Variants in TG observed in about 807,000 individuals in gnomAD.
TG encodes the protein thyroglobulin, also known as thyroid hormones.
In TG, 270 loss-of-function variants were observed where a neutral mutation model predicts 324.7. The ratio of observed to expected loss-of-function variants is 0.83; its 90% CI spans 0.75 to 0.92. TG has a LOEUF of 0.92. TG is among the 40% of genes least tolerant of loss of function. The pLI, the probability that TG is intolerant of heterozygous loss-of-function variation, is 0.00. For missense variants in TG, 3,591 were observed against 3,456.4 expected, an observed-to-expected ratio of 1.04 and a Z score of -0.98; for synonymous variants, 1,401 against 1,327.0, an observed-to-expected ratio of 1.06 and a Z score of -1.21.
At chr8:132,974,292 C>A (rs1330894544) in intron 34 of TG, among the ~76,000 whole-genome samples, 1 of 152,194 alleles carries the variant, frequency 6.6e-6, no homozygotes, top group Non-Finnish European at 1.5e-5. Context: ...CCGCACCCAG[C>A]CACATTCTTT....
rs377624891 is a variant in TG, at chr8:133,015,556, T to C, written c.6562+1792T>C. ...ACTGGGCAGCCTCTGAAGGGAAGAC[T>C]GAATACCACTGCCATGGGAAAGCAG... On this transcript the variant is annotated intron_variant, in intron 37 of 47. Transcript: ENST00000220616. 2.6e-5 allele frequency among the ~76,000 whole-genome samples: 4 copies of C among 152,366 alleles called. No individual in the cohort carries two copies. In the East Asian group the frequency reaches 7.7e-4, roughly 29 times the overall value.
Position 133,132,786 on chromosome 8 carries a change from G to C in TG, c.7998-684G>C, listed in dbSNP as rs1005264421. The stretch of plus-strand genomic sequence containing the variant: ...CAGAAAAACACATTTCTTGTAATTA[G>C]GGTTTTAGAAAATATTTCACTGAGG... On this transcript the variant is annotated intron_variant, in intron 46 of 47. Coordinates refer to ENST00000220616, the MANE Select transcript of TG (RefSeq NM_003235.5). Among the ~76,000 whole-genome samples the C allele has an allele frequency of 1.3e-5, 2 of 152,210 alleles. 1 individual carries two copies. The highest frequency in any genetic ancestry group is 4.1e-4 in the South Asian group (2 of 4,834).
intron 41 of TG, among the ~76,000 whole-genome samples, chr8:133,077,735 A>ATGTGTGTGTGTGTG (rs34749093): frequency 1.4e-5 from 2 of 148,062 alleles, no homozygotes; most frequent in South Asian, 4.3e-4. Context: ...TCTGGTGTGT[A>ATGTGTGTGTGTGTG]TGTGTGTGTG....
At chr8:133,132,375 G>A (rs1032015831) in intron 46 of TG, among the ~76,000 whole-genome samples, 1 of 152,236 alleles carries the variant, frequency 6.6e-6, no homozygotes, top group Non-Finnish European at 1.5e-5. Flanking sequence ...ACCACTTGGA[G>A]GAGAGCCACT....
intron 41 of TG, among the ~76,000 whole-genome samples, chr8:133,062,037 C>T (rs1047707994): frequency 6.6e-6 from 1 of 152,188 alleles, no homozygotes; most frequent in South Asian, 2.1e-4. Context: ...TGACCAGGCT[C>T]GCAAAAGCTA....
chr8:133,128,412 G>A (rs1467084344), intron 45 of TG, among the ~76,000 whole-genome samples: 1 of 150,984 alleles, frequency 6.6e-6, no homozygotes, highest in Admixed American at 6.6e-5. Flanking sequence ...TGGCTGGTCA[G>A]TTCTTTCTAC....
Position 132,901,350 on chromosome 8 carries a change from C to G in TG, c.3434-3C>G. ...CAGCCCATCTGGCTTGTCTCTGTGT[C>G]AGGCCCAAGCCTCTGCAATGTGCTC... On this transcript the variant is annotated splice_region_variant and splice_polypyrimidine_tract_variant and intron_variant, in intron 15 of 47. Transcript: ENST00000220616. 6.2e-7 allele frequency: 1 copy of G among 1,614,110 alleles called. No individual in the cohort carries two copies. Among genetic ancestry groups the G allele is most frequent in the Non-Finnish European group, 8.5e-7 (1 of 1,180,046 alleles).
At chr8:133,088,056 A>T (rs573704390) in intron 41 of TG, among the ~76,000 whole-genome samples, 1 of 152,160 alleles carries the variant, frequency 6.6e-6, no homozygotes, top group Admixed American at 6.5e-5. Flanking sequence ...ACTTCCTAGG[A>T]TGGTAGTGGG....
chr8:133,091,278 C>T (rs1847473371), intron 41 of TG, among the ~76,000 whole-genome samples: 1 of 152,228 alleles, frequency 6.6e-6, no homozygotes, highest in Non-Finnish European at 1.5e-5. Flanking sequence ...GCTTACTGGG[C>T]TTCCCATCCT....
intron 32 of TG, 57 bp downstream of exon 32, chr8:132,969,626 A>G: frequency 7.9e-7 from 1 of 1,267,586 alleles, no homozygotes; most frequent in Non-Finnish European, 1.2e-6. Flanking sequence ...TCCTCAAAGA[A>G]GATGACACAA....
intron 40 of TG, among the ~76,000 whole-genome samples, chr8:133,028,990 T>C (rs1836367086): frequency 6.6e-6 from 1 of 151,960 alleles, no homozygotes. Context: ...TAGGTGGTAA[T>C]GAAGGCCATG....
At chr8:133,037,552 C>G (rs3739268) in intron 41 of TG, 41,745 of 151,980 alleles carry the variant, frequency 0.27, 5,986 homozygotes, top group Non-Finnish European at 0.31. Context: ...AAGCCATGAG[C>G]TGATTTCTCT....
intron 35 of TG, among the ~76,000 whole-genome samples, chr8:133,007,295 T>G (rs1206718713): frequency 1.3e-5 from 2 of 152,100 alleles, no homozygotes; most frequent in Non-Finnish European, 2.9e-5. Context: ...GAGTTGACTT[T>G]GTAAGTTTTT....
At position 133,134,833 on chromosome 8, in the gene TG, C is replaced by T. The variant is rs752571733; in HGVS notation, c.*39C>T. The T allele has an allele frequency of 6.6e-7, 1 of 1,519,860 alleles. No homozygotes were observed. The highest frequency in any genetic ancestry group is 9.1e-7 in the Non-Finnish European group (1 of 1,094,090). The allele number at this position is 1,519,860 out of a possible 1,614,324, so 94.1% of individuals were successfully genotyped here. A position where few individuals can be genotyped will look rare whatever the true frequency, so the allele number is the denominator to read the frequency against. On this transcript the variant is annotated 3_prime_UTR_variant, in exon 48 of 48. Transcript: ENST00000220616. ...TCCCCAAAAACCTCACCCGAGGCTG[C>T]CCACTATGGTCATCTTTTTCTCTAA...
chr8:132,902,333 G>T (rs531669523), intron 16 of TG, among the ~76,000 whole-genome samples: 43 of 152,136 alleles, frequency 2.8e-4, no homozygotes, highest in Non-Finnish European at 5.3e-4. Flanking sequence ...TTTTGGAACT[G>T]CAGGGAAATT....
At chr8:133,120,873 A>G (rs1364485750) in intron 45 of TG, among the ~76,000 whole-genome samples, 1 of 152,200 alleles carries the variant, frequency 6.6e-6, no homozygotes, top group East Asian at 1.9e-4. Flanking sequence ...CAATGGCCCA[A>G]AGTGGTCTAT....
Position 133,133,679 on chromosome 8 carries a change from A to C in TG, c.8188+19A>C. On this transcript the variant is annotated intron_variant, in intron 47 of 47. Transcript: ENST00000220616. Reference sequence around the variant, plus strand: ...TCTGCAGGTAGCAAAGCCCTGGGACAAGTGGAGGGAGCTGGGTGTTGATCT... The same window carrying C: ...TCTGCAGGTAGCAAAGCCCTGGGACCAGTGGAGGGAGCTGGGTGTTGATCT... 2 of 1,610,048 alleles carry C rather than the reference A, an allele frequency of 1.2e-6. No individual in the cohort carries two copies. Among genetic ancestry groups the C allele is most frequent in the Non-Finnish European group, 1.7e-6 (2 of 1,177,788 alleles).
intron 41 of TG, among the ~76,000 whole-genome samples, chr8:133,070,052 G>A (rs2245055): frequency 0.6 from 79,242 of 132,330 alleles, 24,709 homozygotes; most frequent in East Asian, 0.79. Context: ...AAGAAAAGAA[G>A]AAAAGAAAGG....
intron 5 of TG, among the ~76,000 whole-genome samples, chr8:132,880,966 A>G (rs1031259083): frequency 6.6e-6 from 1 of 152,218 alleles, no homozygotes; most frequent in Non-Finnish European, 1.5e-5. Context: ...TTGGCCTATC[A>G]TTGTACACAG....
Sources: gnomAD v4.1 joint callset for allele counts (sites outside exome capture counted in the v4.1 genomes callset) on GRCh38, gnomAD v4.1.1 for gene constraint, MANE v1.5 for transcripts, NCBI Gene and HGNC (gene_info 2026-07-23, HGNC 2026-07-21) for gene names.